LINGO2: variants seen among roughly 807,000 people sequenced by gnomAD.
LINGO2 encodes the protein leucine rich repeat and Ig domain containing 2, also known as leucine-rich repeat and immunoglobulin-like domain-containing nogo receptor-interacting protein 2.
In LINGO2, 14 loss-of-function variants were observed where a neutral mutation model predicts 30.6. That is an observed-to-expected ratio of 0.46 (90% CI 0.30 to 0.72). The LOEUF is 0.72. Among genes scored for constraint, LINGO2 ranks in the 30% least tolerant of loss-of-function variants. The pLI, the probability that LINGO2 is intolerant of heterozygous loss-of-function variation, is 0.07. For synonymous variants in LINGO2, 317 were observed against 288.5 expected, an observed-to-expected ratio of 1.10 and a Z score of -1.00; for missense variants, 729 against 751.7, an observed-to-expected ratio of 0.97 and a Z score of 0.35.
At chr9:28,423,247 A>G (rs1462312928) in intron 2 of LINGO2, among the ~76,000 whole-genome samples, 3 of 152,108 alleles carry the variant, frequency 2.0e-5, no homozygotes, top group Non-Finnish European at 4.4e-5. Context: ...TTGAAATGGA[A>G]TATACAGTTA....
chr9:29,084,892 A>C, the LINGO2 span, among the ~76,000 whole-genome samples: 1 of 152,180 alleles, frequency 6.6e-6, no homozygotes, highest in South Asian at 2.1e-4. Flanking sequence ...GGAAGCACTC[A>C]ATATATTCAG....
At chr9:28,093,619 G>A (rs7847704) in intron 4 of LINGO2, among the ~76,000 whole-genome samples, 52 of 151,778 alleles carry the variant, frequency 3.4e-4, no homozygotes, top group African/African-American at 9.9e-4. Flanking sequence ...CTTTTTAACC[G>A]TCAAGAAACC....
the LINGO2 span, among the ~76,000 whole-genome samples, chr9:29,121,136 T>C: frequency 6.6e-6 from 1 of 152,158 alleles, no homozygotes; most frequent in South Asian, 2.1e-4. Flanking sequence ...TTTGGAAATA[T>C]AAAGATGTTT....
the LINGO2 span, among the ~76,000 whole-genome samples, chr9:29,141,052 T>G: frequency 6.6e-6 from 1 of 152,048 alleles, no homozygotes. Flanking sequence ...GAGTCCTTCA[T>G]GTTGAAATGA....
At chr9:28,962,497 T>C in the LINGO2 span, among the ~76,000 whole-genome samples, 15 of 152,080 alleles carry the variant, frequency 9.9e-5, no homozygotes, top group South Asian at 2.7e-3. Context: ...CTAACTTTCT[T>C]CACACCACAA....
chr9:28,182,874 T>G (rs1318975066), intron 4 of LINGO2, among the ~76,000 whole-genome samples: 1 of 152,156 alleles, frequency 6.6e-6, no homozygotes, highest in Non-Finnish European at 1.5e-5. Context: ...GTAAATTAGT[T>G]CAACCATTGT....
chr9:29,172,821 T>A, the LINGO2 span, among the ~76,000 whole-genome samples: 1 of 152,004 alleles, frequency 6.6e-6, no homozygotes, highest in Non-Finnish European at 1.5e-5. Context: ...CTTATTTACA[T>A]GGCAATTAAA....
At chr9:28,267,137 T>C (rs913870497) in intron 4 of LINGO2, among the ~76,000 whole-genome samples, 1 of 152,052 alleles carries the variant, frequency 6.6e-6, no homozygotes, top group Admixed American at 6.6e-5. Flanking sequence ...ATGTCTTTCC[T>C]GCTATAGCAA....
intron 5 of LINGO2, among the ~76,000 whole-genome samples, chr9:27,954,026 A>G (rs1819444755): frequency 6.6e-6 from 1 of 152,180 alleles, no homozygotes; most frequent in Non-Finnish European, 1.5e-5. Flanking sequence ...TCAAAAACAT[A>G]CCTGTATTAC....
intron 5 of LINGO2, among the ~76,000 whole-genome samples, chr9:27,954,577 C>A (rs1021254320): frequency 4.3e-4 from 65 of 152,216 alleles, no homozygotes; most frequent in African/African-American, 1.5e-3. Flanking sequence ...ACCACATTTT[C>A]TTTATCCATT....
intron 4 of LINGO2, among the ~76,000 whole-genome samples, chr9:28,162,113 G>C (rs1198395514): frequency 6.6e-6 from 1 of 151,988 alleles, no homozygotes; most frequent in Non-Finnish European, 1.5e-5. Context: ...TATATTGCCT[G>C]CATTCTTTCA....
At chr9:28,312,143 G>GTTTTCTT (rs1230345325) in intron 3 of LINGO2, among the ~76,000 whole-genome samples, 1 of 50,088 alleles carries the variant, frequency 2.0e-5, no homozygotes, top group Non-Finnish European at 6.2e-5. Context: ...TGTTTTAGAT[G>GTTTTCTT]TTTTCTTTTT....
At chr9:28,526,405 C>T (rs944928249) in intron 1 of LINGO2, among the ~76,000 whole-genome samples, 1 of 152,188 alleles carries the variant, frequency 6.6e-6, no homozygotes, top group Admixed American at 6.5e-5. Flanking sequence ...CTCAGAGAGA[C>T]TAGCTTCCAT....
At chr9:28,097,198 G>T (rs528525375) in intron 4 of LINGO2, among the ~76,000 whole-genome samples, 1 of 152,012 alleles carries the variant, frequency 6.6e-6, no homozygotes, top group African/African-American at 2.4e-5. Context: ...GGTGCTGGAG[G>T]GGATGTGGAG....
chr9:28,316,992 AC>A (rs1409559018), intron 3 of LINGO2, among the ~76,000 whole-genome samples: 1 of 152,198 alleles, frequency 6.6e-6, no homozygotes, highest in Non-Finnish European at 1.5e-5. Flanking sequence ...TATTTCACCT[AC>A]ATGACAATGT....
At chr9:29,081,312 C>T in the LINGO2 span, among the ~76,000 whole-genome samples, 29,997 of 151,952 alleles carry the variant, frequency 0.2, 3,105 homozygotes, top group African/African-American at 0.24. Flanking sequence ...AGCATATAAA[C>T]AGAACCAAAG....
the LINGO2 span, among the ~76,000 whole-genome samples, chr9:28,913,291 T>C: frequency 6.6e-6 from 1 of 152,112 alleles, no homozygotes; most frequent in Admixed American, 6.5e-5. Flanking sequence ...TTTGTATAAA[T>C]GCCTGTTCAG....
At chr9:28,807,529 T>A in the LINGO2 span, among the ~76,000 whole-genome samples, 2 of 152,344 alleles carry the variant, frequency 1.3e-5, no homozygotes, top group African/African-American at 4.8e-5. Context: ...TAGACCAATT[T>A]CTACCCTTGA....
chr9:28,062,708 T>G (rs1018387456), intron 4 of LINGO2, among the ~76,000 whole-genome samples: 4 of 147,882 alleles, frequency 2.7e-5, no homozygotes, highest in Admixed American at 6.8e-5. Flanking sequence ...TATACAAAAT[T>G]TCTAAATGTA....
Sources: gnomAD v4.1 joint callset for allele counts (sites outside exome capture counted in the v4.1 genomes callset) on GRCh38, gnomAD v4.1.1 for gene constraint, MANE v1.5 for transcripts, NCBI Gene and HGNC (gene_info 2026-07-23, HGNC 2026-07-21) for gene names.